Variants in WDR43 observed in about 807,000 individuals in gnomAD.
WDR43 encodes the protein WD repeat domain 43.
In WDR43, 13 loss-of-function variants were observed where a neutral mutation model predicts 91.4. The observed-to-expected ratio is 0.14, with a 90% confidence interval of 0.09 to 0.23. The LOEUF is 0.23. Among genes scored for constraint, WDR43 ranks in the 10% least tolerant of loss-of-function variants. The pLI, the probability that WDR43 is intolerant of heterozygous loss-of-function variation, is 1.00. For synonymous variants in WDR43, 331 were observed against 287.9 expected, an observed-to-expected ratio of 1.15 and a Z score of -1.51; for missense variants, 780 against 809.4, an observed-to-expected ratio of 0.96 and a Z score of 0.44.
chr2:28,942,248 G>C, intron 15 of WDR43, 64 bp from the exon 16 acceptor site: 3 of 1,521,254 alleles, frequency 2.0e-6, no homozygotes. Flanking sequence ...TGGGTATGCT[G>C]GTGGTCGTGA....
intron 5 of WDR43, among the ~76,000 whole-genome samples, chr2:28,916,603 C>G (rs140050136): frequency 2.7e-3 from 416 of 152,132 alleles, no homozygotes; most frequent in Non-Finnish European, 4.8e-3. Context: ...ACCTCTCCCC[C>G]TATAACCCCG....
intron 3 of WDR43, among the ~76,000 whole-genome samples, chr2:28,910,959 A>C (rs1482761214): frequency 6.6e-6 from 1 of 151,922 alleles, no homozygotes; most frequent in Non-Finnish European, 1.5e-5. Flanking sequence ...TGGCCTCCCA[A>C]AGTGCTGGGA....
Position 28,894,832 on chromosome 2 carries a change from A to G in WDR43, c.134A>G (p.Asn45Ser), listed in dbSNP as rs1251518125. 8 of 1,611,256 alleles carry G rather than the reference A, an allele frequency of 5.0e-6. No individual in the cohort carries two copies. Among genetic ancestry groups the G allele is most frequent in the South Asian group, 1.1e-5 (1 of 90,628 alleles). Residue 45 changes from asparagine to serine, a missense_variant, in exon 1 of 18, where the codon AAC becomes AGC. This residue lies in a region of WDR43 where 175 missense variants were observed against 113.8 expected (regional missense o/e 1.54). Coordinates refer to ENST00000407426, the MANE Select transcript of WDR43 (RefSeq NM_015131.3). ...CACTTACGAGTATGGGAGACGGCCA[A>G]CAACCGGCTGCACCAGGAGTACGTG... Reference protein sequence around the residue: ...DGHLRVWETANNRLHQEYVPS... With the variant: ...DGHLRVWETASNRLHQEYVPS...
intron 9 of WDR43, among the ~76,000 whole-genome samples, chr2:28,926,881 C>G (rs757128770): frequency 1.3e-5 from 2 of 152,142 alleles, no homozygotes; most frequent in African/African-American, 4.8e-5. Flanking sequence ...AATCTCAGTA[C>G]TTAAAAGAGC....
At chr2:28,941,392 C>T in intron 14 of WDR43, 69 bp from the exon 15 acceptor site, 1 of 1,223,210 alleles carries the variant, frequency 8.2e-7, no homozygotes, top group Non-Finnish European at 1.2e-6. Flanking sequence ...TGAGGCATAG[C>T]TGAGCATGAT....
chr2:28,944,993 T>TG (rs1188480981), intron 16 of WDR43, among the ~76,000 whole-genome samples: 1 of 152,188 alleles, frequency 6.6e-6, no homozygotes, highest in African/African-American at 2.4e-5. Context: ...AAACTGAAAC[T>TG]GGGGAAAAGG....
rs1389151981 is a variant in WDR43 at position 28,914,191 on chromosome 2, C to T, written c.729C>T (p.Asp243=). ...ATTTCTTATCTGGAGCAGTACATGA[C>T]CGGTTACTTAATGTCTGGTATGTAG... The part of the protein sequence containing the change: ...GLYFLSGAVH[D]RLLNVWQVRS... Residue 243 remains aspartate (D), a synonymous_variant, in exon 5 of 18, where the codon GAC becomes GAT. Coordinates refer to ENST00000407426, the MANE Select transcript of WDR43 (RefSeq NM_015131.3). 6.2e-7 allele frequency: 1 copy of T among 1,613,406 alleles called. No homozygotes were observed. Among genetic ancestry groups the T allele is most frequent in the African/African-American group, 1.3e-5 (1 of 74,982 alleles).
At chr2:28,898,001 C>T (rs149790135) in intron 1 of WDR43, among the ~76,000 whole-genome samples, 7 of 152,244 alleles carry the variant, frequency 4.6e-5, no homozygotes, top group African/African-American at 1.4e-4. Flanking sequence ...TTTAAGAGTT[C>T]CTCAAGTTTA....
chr2:28,906,284 C>A (rs1009901046), intron 2 of WDR43, among the ~76,000 whole-genome samples, 176 bp from the exon 3 acceptor site: 2 of 152,126 alleles, frequency 1.3e-5, no homozygotes, highest in East Asian at 3.8e-4. Flanking sequence ...GGAACCTTTT[C>A]AAAAAATACA....
chr2:28,940,189 C>A (rs1558384268), intron 14 of WDR43, among the ~76,000 whole-genome samples: 1 of 148,510 alleles, frequency 6.7e-6, no homozygotes, highest in African/African-American at 2.5e-5. Flanking sequence ...CAGAATATCA[C>A]GGGGGTAGGG....
At position 28,934,589 on chromosome 2, in the gene WDR43, C is replaced by T. The variant is rs80318481; in HGVS notation, c.1438-932C>T. Among the ~76,000 whole-genome samples, 781 of 152,218 alleles carry T rather than the reference C, an allele frequency of 5.1e-3. 7 individuals carry two copies. Among genetic ancestry groups the T allele is most frequent in the African/African-American group, 0.012 (518 of 41,544 alleles). The stretch of plus-strand genomic sequence containing the variant: ...TATCATTTCACTTAGTTTGGGATAA[C>T]GTATTTTTATTTGCTGATTTTAAAT... On this transcript the variant is annotated intron_variant, in intron 11 of 17. Coordinates refer to ENST00000407426, the MANE Select transcript of WDR43 (RefSeq NM_015131.3).
At chr2:28,912,810 C>T in intron 4 of WDR43, 100 bp downstream of exon 4, 1 of 1,454,292 alleles carries the variant, frequency 6.9e-7, no homozygotes, top group Non-Finnish European at 9.2e-7. Flanking sequence ...AATACAAATT[C>T]TTCATTGTCA....
At chr2:28,912,853 G>A in intron 4 of WDR43, 143 bp downstream of exon 4, 1 of 1,159,576 alleles carries the variant, frequency 8.6e-7, no homozygotes. Flanking sequence ...ATAAAAGTTA[G>A]CCTCCTAATC....
At chr2:28,928,894 C>G (rs962374131) in intron 10 of WDR43, among the ~76,000 whole-genome samples, 1 of 152,060 alleles carries the variant, frequency 6.6e-6, no homozygotes, top group African/African-American at 2.4e-5. Flanking sequence ...AGGCTGGTCT[C>G]GAACACCTGG....
At chr2:28,913,186 C>A (rs1264367393) in intron 4 of WDR43, among the ~76,000 whole-genome samples, 1 of 152,052 alleles carries the variant, frequency 6.6e-6, no homozygotes, top group East Asian at 1.9e-4. Context: ...GATCTCCTGG[C>A]CTCGTGATCT....
intron 1 of WDR43, among the ~76,000 whole-genome samples, chr2:28,896,258 C>CT (rs1263718155): frequency 6.6e-6 from 1 of 152,096 alleles, no homozygotes; most frequent in African/African-American, 2.4e-5. Flanking sequence ...CCCAAGCTGG[C>CT]TATATTGTCT....
intron 1 of WDR43, among the ~76,000 whole-genome samples, chr2:28,896,590 G>T (rs1319948417): frequency 6.6e-6 from 1 of 152,170 alleles, no homozygotes; most frequent in Non-Finnish European, 1.5e-5. Context: ...AGGTCCTTAA[G>T]AGCTCGGTTC....
rs1036847694 is a variant in WDR43 at position 28,938,100 on chromosome 2, C to G, written c.1620+106C>G. 4 of 1,223,460 alleles carry G rather than the reference C, an allele frequency of 3.3e-6. No individual in the cohort carries two copies. In the African/African-American group the frequency reaches 6.1e-5, roughly 19 times the overall value. The allele number at this position is 1,223,460 out of a possible 1,614,324, so 75.8% of individuals were successfully genotyped here. Reference sequence around the variant, plus strand: ...ACAAAACCATCCTTTCCCCATCTATCCTTCAGCCGTTAGATGCTTCCTTTA... The same window carrying G: ...ACAAAACCATCCTTTCCCCATCTATGCTTCAGCCGTTAGATGCTTCCTTTA... On this transcript the variant is annotated intron_variant, in intron 14 of 17. Coordinates refer to ENST00000407426, the MANE Select transcript of WDR43 (RefSeq NM_015131.3).
intron 11 of WDR43, chr2:28,929,917 C>T (rs904883552): frequency 2.5e-5 from 15 of 605,116 alleles, no homozygotes; most frequent in Non-Finnish European, 4.2e-5. Flanking sequence ...TTATTTTGAA[C>T]CTGGAATGCA....
Sources: allele counts gnomAD v4.1 joint callset (sites outside exome capture counted in the v4.1 genomes callset), GRCh38; gene constraint gnomAD v4.1.1; regional missense constraint gnomAD v4.1.1; transcripts MANE v1.5; gene names NCBI Gene and HGNC (gene_info 2026-07-23, HGNC 2026-07-21).